The following ADGRL3 variants were observed in gnomAD, a reference collection of about 807,000 sequenced individuals.
The protein encoded by ADGRL3 is calcium-independent alpha-latrotoxin receptor 3.
ADGRL3 carries 62 observed loss-of-function variants against 153.5 expected under a neutral mutation model. The observed-to-expected ratio is 0.40, with a 90% CI of 0.33 to 0.50. The LOEUF is 0.50. ADGRL3 is among the 20% of genes least tolerant of loss of function. The pLI, the probability that ADGRL3 is intolerant of heterozygous loss-of-function variation, is 0.47. For missense variants in ADGRL3, 1,641 were observed against 1,859.4 expected (o/e 0.88, Z 2.16); for synonymous variants, 710 against 672.5 (o/e 1.06, Z -0.86).
chr4:61,502,449 C>T (rs538684137), intron 3 of ADGRL3, among the ~76,000 whole-genome samples: 3 of 147,960 alleles, frequency 2.0e-5, no homozygotes, highest in South Asian at 4.3e-4. Flanking sequence ...AAAACTGCAA[C>T]GTAAAAAAAA....
chr4:61,862,527 G>A (rs1240026509), intron 9 of ADGRL3, among the ~76,000 whole-genome samples: 1 of 152,162 alleles, frequency 6.6e-6, no homozygotes, highest in Non-Finnish European at 1.5e-5. Context: ...AACAAAGCCT[G>A]TAGTTCTCCT....
At chr4:62,030,867 C>T (rs559631422) in intron 22 of ADGRL3, among the ~76,000 whole-genome samples, 2 of 151,626 alleles carry the variant, frequency 1.3e-5, no homozygotes, top group Admixed American at 1.3e-4. Flanking sequence ...CATCTACTAT[C>T]CCTCACGCTT....
chr4:61,721,405 G>A (rs893389924), intron 6 of ADGRL3, among the ~76,000 whole-genome samples: 2 of 152,170 alleles, frequency 1.3e-5, no homozygotes, highest in Non-Finnish European at 2.9e-5. Context: ...AGTGTGATGT[G>A]TGAGGGCAGG....
At chr4:61,338,804 A>G (rs969878735) in intron 1 of ADGRL3, among the ~76,000 whole-genome samples, 3 of 152,236 alleles carry the variant, frequency 2.0e-5, no homozygotes, top group Non-Finnish European at 2.9e-5. Flanking sequence ...AGTGAAAGTC[A>G]GCATCATAAT....
intron 9 of ADGRL3, among the ~76,000 whole-genome samples, chr4:61,826,281 A>T (rs2097800017): frequency 6.6e-6 from 1 of 152,184 alleles, no homozygotes; most frequent in Non-Finnish European, 1.5e-5. Context: ...ATTACAGTTG[A>T]ATAGTGTGTT....
At chr4:61,678,879 G>A (rs566642439) in intron 6 of ADGRL3, among the ~76,000 whole-genome samples, 3 of 151,854 alleles carry the variant, frequency 2.0e-5, no homozygotes, top group Non-Finnish European at 2.9e-5. Flanking sequence ...AATTTAACAC[G>A]ATTTGAAAAG....
intron 1 of ADGRL3, among the ~76,000 whole-genome samples, chr4:61,352,231 G>A (rs899922545): frequency 3.3e-5 from 5 of 152,190 alleles, no homozygotes; most frequent in Non-Finnish European, 7.3e-5. Flanking sequence ...GATGGAAGAT[G>A]TTACTGAATT....
intron 25 of ADGRL3, among the ~76,000 whole-genome samples, chr4:62,058,592 C>A (rs1738333078): frequency 6.6e-6 from 1 of 152,084 alleles, no homozygotes; most frequent in Non-Finnish European, 1.5e-5. Flanking sequence ...CATGAACATT[C>A]TTTTCACATA....
At chr4:61,362,772 A>G (rs1303170806) in intron 1 of ADGRL3, among the ~76,000 whole-genome samples, 2 of 152,084 alleles carry the variant, frequency 1.3e-5, no homozygotes, top group Non-Finnish European at 2.9e-5. Flanking sequence ...TTATAAATGG[A>G]CTCATGCAGT....
intron 5 of ADGRL3, among the ~76,000 whole-genome samples, chr4:61,590,358 T>C (rs1283357817): frequency 6.6e-6 from 1 of 152,114 alleles, no homozygotes; most frequent in Non-Finnish European, 1.5e-5. Flanking sequence ...TTTTTGTTTT[T>C]TTATATATTT....
chr4:61,400,573 T>G (rs2152109352), intron 2 of ADGRL3, among the ~76,000 whole-genome samples: 1 of 151,970 alleles, frequency 6.6e-6, no homozygotes, highest in South Asian at 2.1e-4. Context: ...AGCTCTTTAT[T>G]CCTTCCAAAC....
chr4:61,695,682 T>G (rs2095629423), intron 6 of ADGRL3, among the ~76,000 whole-genome samples: 3 of 152,184 alleles, frequency 2.0e-5, no homozygotes, highest in Admixed American at 1.3e-4. Flanking sequence ...GACCTGATCA[T>G]CTCCTCTTTA....
chr4:61,563,910 A>G (rs1239942773), intron 4 of ADGRL3, among the ~76,000 whole-genome samples: 2 of 152,110 alleles, frequency 1.3e-5, no homozygotes, highest in African/African-American at 2.4e-5. Context: ...CGAGAGGCTG[A>G]GGCAGGAGAA....
chr4:61,223,835 C>T (rs1438175883), intron 1 of ADGRL3, among the ~76,000 whole-genome samples: 2 of 152,110 alleles, frequency 1.3e-5, no homozygotes, highest in Admixed American at 1.3e-4. Context: ...TCCCAGACTT[C>T]AAGTGAAGGA....
chr4:61,251,841 T>C (rs1759389002), intron 1 of ADGRL3, among the ~76,000 whole-genome samples: 1 of 151,582 alleles, frequency 6.6e-6, no homozygotes, highest in South Asian at 2.1e-4. Flanking sequence ...TTTATTTTTC[T>C]TGCAGAAGTT....
At chr4:61,673,391 C>T (rs940987372) in intron 5 of ADGRL3, among the ~76,000 whole-genome samples, 15 of 151,646 alleles carry the variant, frequency 9.9e-5, no homozygotes, top group African/African-American at 3.1e-4. Flanking sequence ...AAAGATATAT[C>T]AAAACATTAG....
At chr4:62,052,050 G>T (rs1329163222) in intron 25 of ADGRL3, among the ~76,000 whole-genome samples, 1 of 151,244 alleles carries the variant, frequency 6.6e-6, no homozygotes, top group Admixed American at 6.6e-5. Flanking sequence ...TTTGCATATT[G>T]TACTCTGTTC....
chr4:61,833,316 G>A (rs913839349), intron 9 of ADGRL3, among the ~76,000 whole-genome samples: 2 of 152,176 alleles, frequency 1.3e-5, no homozygotes, highest in Admixed American at 1.3e-4. Context: ...CTTGCCCGCT[G>A]CGTAGACATA....
intron 1 of ADGRL3, among the ~76,000 whole-genome samples, chr4:61,228,029 A>G (rs1325196799): frequency 6.6e-6 from 1 of 152,228 alleles, no homozygotes; most frequent in Non-Finnish European, 1.5e-5. Flanking sequence ...ACTTATGAAA[A>G]TCTGAAAATT....
Sources: gnomAD v4.1 joint callset for allele counts (sites outside exome capture counted in the v4.1 genomes callset) on GRCh38, gnomAD v4.1.1 for gene constraint, MANE v1.5 for transcripts, NCBI Gene and HGNC (gene_info 2026-07-23, HGNC 2026-07-21) for gene names.